The following RAPH1 variants were observed in gnomAD, a reference collection of about 807,000 sequenced individuals.
RAPH1 encodes the protein ras-associated and pleckstrin homology domains-containing protein 1.
RAPH1 carries 18 observed loss-of-function variants against 88.1 expected under a neutral mutation model. The observed-to-expected ratio is 0.20, with a 90% CI of 0.14 to 0.30. The LOEUF is 0.30. Ranked by LOEUF, RAPH1 falls within the 10% of genes least tolerant of loss-of-function variation. The probability of loss-of-function intolerance (pLI) is 1.00; values close to 1 mark genes in which losing one functional copy is unlikely to be tolerated. For synonymous variants in RAPH1, 587 were observed against 559.0 expected (o/e 1.05, Z -0.71); for missense variants, 1,448 against 1,543.2 (o/e 0.94, Z 1.03).
In RAPH1 at chr2:203,440,271, TG is replaced by T; in HGVS notation, c.2918del (p.Pro973GlnfsTer28). ...TSSPGGKKPP[P>X]TPQRNSSIKS... ...TAATGCTGGAGTTGCGCTGTGGGGTTGGGGGTGGTTTCTTTCCCCCAGGGCT... is the reference window on the plus strand; with the variant it reads ...TAATGCTGGAGTTGCGCTGTGGGGTTGGGGTGGTTTCTTTCCCCCAGGGCT... On this transcript the variant is annotated frameshift_variant, in exon 14 of 14. Coordinates refer to ENST00000319170, the MANE Select transcript of RAPH1 (RefSeq NM_213589.3). LOFTEE classifies it high-confidence loss of function. 1 of 1,613,770 alleles carries T rather than the reference TG, an allele frequency of 6.2e-7. No homozygotes were observed. The highest frequency in any genetic ancestry group is 8.5e-7 in the Non-Finnish European group (1 of 1,179,966).
In RAPH1 at chr2:203,525,823, G is replaced by A. The variant is rs537936061; in HGVS notation, c.-1+9288C>T. Reference sequence around the variant, plus strand: ...CACATGCTGAATGCAAGAAGCTGGAGACAAAAGCATGGTTATGATTTAATT... The same window carrying A: ...CACATGCTGAATGCAAGAAGCTGGAAACAAAAGCATGGTTATGATTTAATT... On this transcript the variant is annotated intron_variant, in intron 1 of 13. Coordinates refer to ENST00000319170, the MANE Select transcript of RAPH1 (RefSeq NM_213589.3). Among the ~76,000 whole-genome samples, 28 of 152,170 alleles carry A rather than the reference G, an allele frequency of 1.8e-4. No individual in the cohort carries two copies. The South Asian group carries it at 4.6e-3, about 25-fold the overall frequency.
chr2:203,453,068 T>C (rs568692738), intron 10 of RAPH1, among the ~76,000 whole-genome samples: 1 of 152,178 alleles, frequency 6.6e-6, no homozygotes, highest in Non-Finnish European at 1.5e-5. Context: ...GCAAATAACA[T>C]CTTAGCATTA....
rs2153631468 is a variant in RAPH1 at position 203,435,679 on chromosome 2, A to G, written c.*3758T>C. 6.6e-6 allele frequency: 1 copy of G among 152,338 alleles called. No individual in the cohort carries two copies. The highest frequency in any genetic ancestry group is 6.5e-5 in the Admixed American group (1 of 15,298). The allele number at this position is 152,338 out of a possible 1,614,324, so 9.4% of individuals were successfully genotyped here. On this transcript the variant is annotated 3_prime_UTR_variant, in exon 14 of 14. Coordinates refer to ENST00000319170, the MANE Select transcript of RAPH1 (RefSeq NM_213589.3). ...AGGATCCTATGGGTTTAACTGGTCTAAACTTGAGTGGATTAAATCAGTTGT... is the reference window on the plus strand; with the variant it reads ...AGGATCCTATGGGTTTAACTGGTCTGAACTTGAGTGGATTAAATCAGTTGT...
intron 2 of RAPH1, 35 bp from the exon 3 acceptor site, chr2:203,491,354 T>C: frequency 2.2e-6 from 3 of 1,354,860 alleles, no homozygotes; most frequent in Non-Finnish European, 3.1e-6. Flanking sequence ...TCATATTAAA[T>C]TCAGGTTTCA....
At chr2:203,515,005 C>T (rs562758319) in intron 1 of RAPH1, among the ~76,000 whole-genome samples, 1 of 152,130 alleles carries the variant, frequency 6.6e-6, no homozygotes, top group South Asian at 2.1e-4. Flanking sequence ...GTTTTGCATT[C>T]CCAATCTCTC....
intron 7 of RAPH1, among the ~76,000 whole-genome samples, chr2:203,458,097 T>G (rs2098521252): frequency 6.6e-6 from 1 of 151,530 alleles, no homozygotes; most frequent in African/African-American, 2.4e-5. Context: ...TCTGGCTGGG[T>G]GCAGTGGCTC....
intron 1 of RAPH1, among the ~76,000 whole-genome samples, chr2:203,532,127 A>G (rs548100759): frequency 5.8e-4 from 89 of 152,310 alleles, no homozygotes; most frequent in Non-Finnish European, 1.1e-3. Flanking sequence ...ACAAGAATCA[A>G]TATTGTGTGA....
intron 4 of RAPH1, among the ~76,000 whole-genome samples, chr2:203,467,792 G>C (rs530243538): frequency 6.6e-5 from 10 of 151,900 alleles, no homozygotes; most frequent in Non-Finnish European, 1.5e-4. Context: ...CAGGGGGATA[G>C]GGTCTCACTC....
chr2:203,447,926 C>T (rs879486638), intron 12 of RAPH1, 33 bp downstream of exon 12: 11 of 1,611,576 alleles, frequency 6.8e-6, no homozygotes, highest in African/African-American at 5.3e-5. Flanking sequence ...TCATATTAAT[C>T]GCAAAATAGT....
Position 203,438,239 on chromosome 2 carries a change from C to T in RAPH1, c.*1198G>A. 1 of 509,656 alleles carries T rather than the reference C, an allele frequency of 2.0e-6. No individual in the cohort carries two copies. Among genetic ancestry groups the T allele is most frequent in the South Asian group, 1.4e-5 (1 of 69,516 alleles). 31.6% of individuals were successfully genotyped at this position (509,656 alleles called of 1,614,324 possible). A position where few individuals can be genotyped will look rare whatever the true frequency, so the allele number is the denominator to read the frequency against. On this transcript the variant is annotated 3_prime_UTR_variant, in exon 14 of 14. Coordinates refer to ENST00000319170, the MANE Select transcript of RAPH1 (RefSeq NM_213589.3). ...TCTTCCCTCTCCATGTAGTCCCATA[C>T]TTAATGAGCTTTTTGTATTACATAT...
intron 4 of RAPH1, among the ~76,000 whole-genome samples, chr2:203,465,460 A>T (rs1242974027): frequency 2.0e-5 from 3 of 152,242 alleles, no homozygotes; most frequent in African/African-American, 7.2e-5. Flanking sequence ...CGATAAAAAG[A>T]TCAGTAGTTG....
intron 1 of RAPH1, among the ~76,000 whole-genome samples, chr2:203,512,489 C>T (rs962778468): frequency 6.6e-6 from 1 of 151,762 alleles, no homozygotes; most frequent in African/African-American, 2.4e-5. Flanking sequence ...ATTAATGAGA[C>T]ACAAATGGAA....
chr2:203,528,321 T>G (rs1041796537), intron 1 of RAPH1, among the ~76,000 whole-genome samples: 1 of 152,194 alleles, frequency 6.6e-6, no homozygotes, highest in African/African-American at 2.4e-5. Context: ...AGAAGCCATT[T>G]CTAACTTTTT....
chr2:203,440,861 C>G lies in RAPH1; in HGVS notation c.2329G>C (p.Ala777Pro). ...PPIPAPLPPQ[A>P]PPKPLVTIPA... The stretch of plus-strand genomic sequence containing the variant: ...ATGGTCACAAGGGGTTTTGGGGGAG[C>G]TTGGGGAGGGAGGGGTGCAGGGATA... The change falls in exon 14 of 14, where the codon GCT becomes CCT. Residue 777 changes from alanine to proline, a missense_variant. Ala to Pro is a conservative substitution (Grantham distance 27, BLOSUM62 -1). Transcript: ENST00000319170. The G allele has an allele frequency of 1.8e-6, 1 of 542,126 alleles. No homozygotes were observed. Among genetic ancestry groups the G allele is most frequent in the Non-Finnish European group, 2.5e-6 (1 of 393,634 alleles). 33.6% of individuals were successfully genotyped at this position (542,126 alleles called of 1,614,324 possible). A position where few individuals can be genotyped will look rare whatever the true frequency, so the allele number is the denominator to read the frequency against.
At position 203,444,936 on chromosome 2, in the gene RAPH1, G is replaced by A; in HGVS notation, c.1708C>T (p.Gln570Ter). The change falls in exon 13 of 14, where the codon CAG becomes TAG. Residue 570 changes from glutamine to a stop codon, truncating the protein, a stop_gained. Coordinates refer to ENST00000319170, the MANE Select transcript of RAPH1 (RefSeq NM_213589.3). LOFTEE classifies it high-confidence loss of function. ...GAGAATACGGAGCTCACAATGCTCTGGGAACGGACGTGTCCTGCTGGCTGG... is the reference window on the plus strand; with the variant it reads ...GAGAATACGGAGCTCACAATGCTCTAGGAACGGACGTGTCCTGCTGGCTGG... ...DTQPAGHVRSQSIVSSVFSEA... is the reference protein window; with the variant it reads ...DTQPAGHVRS 6.2e-7 allele frequency: 1 copy of A among 1,614,162 alleles called. No homozygotes were observed. The highest frequency in any genetic ancestry group is 8.5e-7 in the Non-Finnish European group (1 of 1,179,992).
intron 4 of RAPH1, among the ~76,000 whole-genome samples, chr2:203,462,889 GA>G (rs1411002841): frequency 6.6e-6 from 1 of 151,934 alleles, no homozygotes; most frequent in Admixed American, 6.6e-5. Context: ...GATTACTCTG[GA>G]AAATATCTAA....
chr2:203,487,900 T>G (rs887515314), intron 4 of RAPH1, among the ~76,000 whole-genome samples: 1 of 152,122 alleles, frequency 6.6e-6, no homozygotes, highest in Non-Finnish European at 1.5e-5. Context: ...TACCTACTGA[T>G]GGAAATTAAT....
chr2:203,510,082 AATAC>A (rs1489060752), intron 1 of RAPH1, among the ~76,000 whole-genome samples: 2 of 152,172 alleles, frequency 1.3e-5, no homozygotes, highest in African/African-American at 2.4e-5. Flanking sequence ...AGAATGGCCT[AATAC>A]ATACAACCAA....
rs1283769924 is a variant in RAPH1, at chr2:203,438,367, A to G, written c.*1070T>C. The G allele has an allele frequency of 2.9e-6, 1 of 342,522 alleles. No homozygotes were observed. Among genetic ancestry groups the G allele is most frequent in the African/African-American group, 2.2e-5 (1 of 46,226 alleles). The allele number at this position is 342,522 out of a possible 1,614,324, so 21.2% of individuals were successfully genotyped here. A position where few individuals can be genotyped will look rare whatever the true frequency, so the allele number is the denominator to read the frequency against. On this transcript the variant is annotated 3_prime_UTR_variant, in exon 14 of 14. Coordinates refer to ENST00000319170, the MANE Select transcript of RAPH1 (RefSeq NM_213589.3). The stretch of plus-strand genomic sequence containing the variant: ...GAGCAATGCTCAAAAAATGCATTTT[A>G]GAAAATGATTTTGTTTTTCATAATG...
Sources: gnomAD v4.1 joint callset for allele counts (sites outside exome capture counted in the v4.1 genomes callset) on GRCh38, gnomAD v4.1.1 for gene constraint, MANE v1.5 for transcripts, NCBI Gene and HGNC (gene_info 2026-07-23, HGNC 2026-07-21) for gene names.